IMPG1: variants seen among roughly 807,000 people sequenced by gnomAD.
IMPG1 encodes the protein interphotoreceptor matrix proteoglycan of 150 kDa.
Under a neutral mutation model 92.0 loss-of-function variants are expected in IMPG1, and 85 were observed. The ratio of observed to expected loss-of-function variants is 0.92; its 90% confidence interval spans 0.78 to 1.11. The LOEUF (loss-of-function observed/expected upper bound fraction) is 1.11, where lower values mean the gene tolerates loss of function less well. Among genes scored for constraint, IMPG1 ranks in the 50% least tolerant of loss-of-function variants. The pLI, the probability that IMPG1 is intolerant of heterozygous loss-of-function variation, is 0.00. For synonymous variants in IMPG1, 367 were observed against 334.1 expected, an observed-to-expected ratio of 1.10 and a Z score of -1.08; for missense variants, 1,022 against 956.0, an observed-to-expected ratio of 1.07 and a Z score of -0.91.
chr6:76,028,133 T>C (rs1261177135), intron 4 of IMPG1, among the ~76,000 whole-genome samples: 2 of 152,236 alleles, frequency 1.3e-5, no homozygotes. Flanking sequence ...ATGTATGCTA[T>C]CAATCATAAT....
chr6:76,008,723 T>A (rs990500215), intron 8 of IMPG1, among the ~76,000 whole-genome samples: 1 of 152,188 alleles, frequency 6.6e-6, no homozygotes, highest in South Asian at 2.1e-4. Flanking sequence ...TTTGTTGAGG[T>A]ATCATTGTGA....
Position 75,922,028 on chromosome 6 carries a change from C to T in IMPG1, c.*61G>A. The T allele has an allele frequency of 5.1e-6, 4 of 786,272 alleles. No individual in the cohort carries two copies. The highest frequency in any genetic ancestry group is 8.8e-6 in the Non-Finnish European group (4 of 456,678). 48.7% of individuals were successfully genotyped at this position (786,272 alleles called of 1,614,324 possible). Reference sequence around the variant, plus strand: ...CATGAATATGCCTGTCTCCATTTTCCTTGAGAAGGCAAATCATCTCTCTTG... The same window carrying T: ...CATGAATATGCCTGTCTCCATTTTCTTTGAGAAGGCAAATCATCTCTCTTG... On this transcript the variant is annotated 3_prime_UTR_variant, in exon 17 of 17. Coordinates refer to ENST00000369950, the MANE Select transcript of IMPG1 (RefSeq NM_001563.4).
At chr6:76,055,803 T>A (rs149221341) in intron 1 of IMPG1, among the ~76,000 whole-genome samples, 33 of 152,134 alleles carry the variant, frequency 2.2e-4, no homozygotes, top group African/African-American at 7.9e-4. Context: ...GTTTTATCCA[T>A]AAATTTGAAG....
chr6:76,068,707 G>A (rs942602670), intron 1 of IMPG1, among the ~76,000 whole-genome samples: 3 of 151,480 alleles, frequency 2.0e-5, no homozygotes, highest in African/African-American at 7.3e-5. Flanking sequence ...AGTATAGGTG[G>A]GGTTTCACCA....
At chr6:75,939,940 T>C (rs1024960674) in intron 14 of IMPG1, among the ~76,000 whole-genome samples, 1 of 152,238 alleles carries the variant, frequency 6.6e-6, no homozygotes, top group Non-Finnish European at 1.5e-5. Context: ...GCCCTTGCTA[T>C]TCCATTTGCT....
chr6:76,060,902 G>A (rs1784194451), intron 1 of IMPG1, among the ~76,000 whole-genome samples: 1 of 152,120 alleles, frequency 6.6e-6, no homozygotes, highest in Admixed American at 6.6e-5. Context: ...TAAAATATAA[G>A]CCTAGAGACT....
At position 76,018,610 on chromosome 6, in the gene IMPG1, T is replaced by C; in HGVS notation, c.807+108A>G. On this transcript the variant is annotated intron_variant, in intron 7 of 16. Coordinates refer to ENST00000369950, the MANE Select transcript of IMPG1 (RefSeq NM_001563.4). ...TGGTTTTCTTTTAAATGGTTAAACA[T>C]GAATGCCAGGAGAAGCTGGAACTGT... 5 of 1,002,516 alleles carry C rather than the reference T, an allele frequency of 5.0e-6. No homozygotes were observed. In the South Asian group the frequency reaches 1.0e-4, roughly 20 times the overall value. The allele number at this position is 1,002,516 out of a possible 1,614,324, so 62.1% of individuals were successfully genotyped here. A position where few individuals can be genotyped will look rare whatever the true frequency, so the allele number is the denominator to read the frequency against.
At chr6:76,054,426 T>A (rs1784087742) in intron 1 of IMPG1, among the ~76,000 whole-genome samples, 1 of 152,140 alleles carries the variant, frequency 6.6e-6, no homozygotes. Flanking sequence ...AGTAGATGCA[T>A]ATGGACGAAA....
intron 12 of IMPG1, among the ~76,000 whole-genome samples, chr6:75,956,002 C>T (rs897198637): frequency 6.6e-6 from 1 of 152,142 alleles, no homozygotes; most frequent in African/African-American, 2.4e-5. Flanking sequence ...TTCAGTTTGT[C>T]CGGATTTTAT....
chr6:76,006,417 G>C (rs1396213860), intron 9 of IMPG1, among the ~76,000 whole-genome samples: 1 of 146,126 alleles, frequency 6.8e-6, no homozygotes, highest in Non-Finnish European at 1.5e-5. Context: ...TGTAAAAAAA[G>C]TCCAAATTAC....
At chr6:75,997,472 CT>C (rs1364031802) in intron 12 of IMPG1, among the ~76,000 whole-genome samples, 1 of 152,212 alleles carries the variant, frequency 6.6e-6, no homozygotes, top group Non-Finnish European at 1.5e-5. Flanking sequence ...CTGCAAATTT[CT>C]TTCCCTGCAT....
intron 16 of IMPG1, 99 bp from the exon 17 acceptor site, chr6:75,922,265 C>T (rs1781442598): frequency 3.3e-6 from 2 of 605,784 alleles, no homozygotes; most frequent in Non-Finnish European, 5.9e-6. Flanking sequence ...AGAGGATGTG[C>T]TTGCCATTTA....
intron 14 of IMPG1, among the ~76,000 whole-genome samples, chr6:75,943,426 A>G (rs932277474): frequency 6.6e-6 from 1 of 152,112 alleles, no homozygotes; most frequent in African/African-American, 2.4e-5. Context: ...TGTTAAAAAG[A>G]GCCTGGCATC....
rs986929444 is a variant in IMPG1, at chr6:75,933,939, G to A, written c.2045-2788C>T. On this transcript the variant is annotated intron_variant, in intron 14 of 16. Transcript: ENST00000369950. ...GGTGAGAAAACGGAAGCCCATTTTA[G>A]CTAGTAAGTATGATCCAAGATTAAC... Among the ~76,000 whole-genome samples the A allele has an allele frequency of 3.3e-5, 5 of 152,324 alleles. No individual in the cohort carries two copies. The East Asian group carries it at 5.8e-4, about 18-fold the overall frequency.
chr6:76,058,540 G>T (rs1220532851), intron 1 of IMPG1, among the ~76,000 whole-genome samples: 1 of 152,096 alleles, frequency 6.6e-6, no homozygotes, highest in Non-Finnish European at 1.5e-5. Flanking sequence ...TGAACAATTT[G>T]CCAACGTAAC....
chr6:76,049,369 C>T (rs1422570405), intron 1 of IMPG1, among the ~76,000 whole-genome samples: 1 of 152,174 alleles, frequency 6.6e-6, no homozygotes, highest in East Asian at 1.9e-4. Flanking sequence ...ATTTGTCTTT[C>T]CCTCCTTTTC....
intron 1 of IMPG1, among the ~76,000 whole-genome samples, chr6:76,044,743 TAGGTAA>T (rs1783907571): frequency 6.6e-6 from 1 of 151,854 alleles, no homozygotes; most frequent in African/African-American, 2.4e-5. Flanking sequence ...CCTATCAGGG[TAGGTAA>T]CTTGACTTGG....
At chr6:75,978,642 A>G (rs771811125) in intron 12 of IMPG1, among the ~76,000 whole-genome samples, 5 of 152,194 alleles carry the variant, frequency 3.3e-5, no homozygotes, top group Non-Finnish European at 7.3e-5. Flanking sequence ...GGCTTCATTC[A>G]TTCATTTGGG....
chr6:76,003,071 T>C, intron 11 of IMPG1, 75 bp from the exon 12 acceptor site: 1 of 1,018,846 alleles, frequency 9.8e-7, no homozygotes, highest in South Asian at 1.3e-5. Flanking sequence ...ATACCCATAT[T>C]TCAAAATTTT....
Sources: gnomAD v4.1 joint callset for allele counts (sites outside exome capture counted in the v4.1 genomes callset) on GRCh38, gnomAD v4.1.1 for gene constraint, MANE v1.5 for transcripts, NCBI Gene and HGNC (gene_info 2026-07-23, HGNC 2026-07-21) for gene names.